Variants in CXCR2 observed in about 807,000 individuals in gnomAD.
The protein encoded by CXCR2 is C-X-C motif chemokine receptor 2.
In CXCR2, 2 loss-of-function variants were observed where a neutral mutation model predicts 3.7. The observed-to-expected ratio is 0.55, with a 90% CI of 0.22 to 1.72. The LOEUF (loss-of-function observed/expected upper bound fraction) is 1.72. Among genes scored for constraint, CXCR2 ranks in the 40% most tolerant of loss-of-function variants. The pLI is 0.19. For missense variants in CXCR2, 351 were observed against 450.1 expected (o/e 0.78, Z 1.99); for synonymous variants, 203 against 193.3 (o/e 1.05, Z -0.41).
chr2:218,137,029 C>T lies in CXCR2; in HGVS notation c.*1145C>T, dbSNP rs200077824. ...AGATAAACAGTAGTGATAGTTGTAC[C>T]GCAATGTGACTTAATGCCACTAAAT... is the stretch of plus-strand genomic sequence containing the variant. On this transcript the variant is annotated 3_prime_UTR_variant, in exon 3 of 3. Coordinates refer to ENST00000318507, the MANE Select transcript of CXCR2 (RefSeq NM_001557.4). 1.8e-5 allele frequency: 3 copies of T among 166,574 alleles called. No homozygotes were observed. The highest frequency in any genetic ancestry group is 6.6e-5 in the Admixed American group (1 of 15,252). 10.3% of individuals were successfully genotyped at this position (166,574 alleles called of 1,614,324 possible).
At chr2:218,129,961 T>A (rs1329583119) in intron 2 of CXCR2, among the ~76,000 whole-genome samples, 1 of 152,212 alleles carries the variant, frequency 6.6e-6, no homozygotes, top group Non-Finnish European at 1.5e-5. Context: ...CTGGAATATA[T>A]GACTGTGTGG....
chr2:218,125,609 T>C (rs1033214374), upstream of CXCR2: 1 of 151,534 alleles, frequency 6.6e-6, no homozygotes, highest in African/African-American at 2.4e-5. Context: ...ATTTGCTGGG[T>C]TTAGTAACCC....
In CXCR2 at chr2:218,135,345, C is replaced by G; in HGVS notation, c.544C>G (p.Leu182Val). ...CTTGCTCCTGGCCCTGCCTGTCTTA[C>G]TTTTCCGAAGGACCGTCTACTCATC... Reference protein sequence around the residue: ...LSLLLALPVLLFRRTVYSSNV... With the variant: ...LSLLLALPVLVFRRTVYSSNV... Residue 182 changes from leucine to valine, a missense_variant, in exon 3 of 3, where the codon CTT becomes GTT. Leu to Val is a conservative substitution (Grantham distance 32, BLOSUM62 1). Transcript: ENST00000318507. The surrounding 1 kb of genome is among the most constrained non-coding windows in gnomAD (Gnocchi z 4.0). 1.9e-6 allele frequency: 3 copies of G among 1,614,200 alleles called. No homozygotes were observed. The highest frequency in any genetic ancestry group is 2.5e-6 in the Non-Finnish European group (3 of 1,180,036).
At chr2:218,127,790 T>G (rs1690543726) in intron 1 of CXCR2, among the ~76,000 whole-genome samples, 1 of 152,228 alleles carries the variant, frequency 6.6e-6, no homozygotes, top group African/African-American at 2.4e-5. Context: ...TCCTGAGGAT[T>G]AATTGATACA....
intron 1 of CXCR2, among the ~76,000 whole-genome samples, chr2:218,126,824 T>TTTG (rs150538535): frequency 6.7e-6 from 1 of 150,296 alleles, no homozygotes; most frequent in Non-Finnish European, 1.5e-5. Flanking sequence ...ATTTTTTGGG[T>TTTG]TTTGTTTGTT....
Position 218,135,559 on chromosome 2 carries a change from T to C in CXCR2, c.758T>C (p.Ile253Thr). Residue 253 changes from isoleucine to threonine, a missense_variant, in exon 3 of 3, where the codon ATC (isoleucine) becomes ACC (threonine). Transcript: ENST00000318507. The surrounding 1 kb of genome is among the most constrained non-coding windows in gnomAD (Gnocchi z 4.0). ...MGQKHRAMRV[I>T]FAVVLIFLLC... ...CAGAAGCACCGGGCCATGCGGGTCA[T>C]CTTTGCTGTCGTCCTCATCTTCCTG... is the stretch of plus-strand genomic sequence containing the variant. 6.2e-7 allele frequency: 1 copy of C among 1,614,166 alleles called. No individual in the cohort carries two copies. Among genetic ancestry groups the C allele is most frequent in the Admixed American group, 1.7e-5 (1 of 60,020 alleles).
rs998301854 is a variant in CXCR2, at chr2:218,136,775, A to G, written c.*891A>G. On this transcript the variant is annotated 3_prime_UTR_variant, in exon 3 of 3. Transcript: ENST00000318507. ...AGCCTGAAAGAGGAATGAAGTACTC[A>G]TACATGTTACAACACGGACGAACCT... 43 of 167,274 alleles carry G rather than the reference A, an allele frequency of 2.6e-4. No homozygotes were observed. The highest frequency in any genetic ancestry group is 7.8e-4 in the Admixed American group (12 of 15,308). 10.4% of individuals were successfully genotyped at this position (167,274 alleles called of 1,614,324 possible).
In CXCR2 at chr2:218,135,464, C is replaced by T. The variant is rs141723765; in HGVS notation, c.663C>T (p.Ile221=). 419 of 1,614,210 alleles carry T rather than the reference C, an allele frequency of 2.6e-4. 1 individual carries two copies. Among genetic ancestry groups the T allele is most frequent in the Middle Eastern group, 2.1e-3 (13 of 6,062 alleles). The stretch of plus-strand genomic sequence containing the variant: ...TCCTGCCCCAGTCCTTTGGCTTCAT[C>T]GTGCCACTGCTGATCATGCTGTTCT... ...LRILPQSFGF[I]VPLLIMLFCY... The change falls in exon 3 of 3, where the codon ATC becomes ATT. Residue 221 remains isoleucine (I), a synonymous_variant. Transcript: ENST00000318507. This position sits in a 1 kb window ranked among gnomAD's most constrained non-coding sequence, Gnocchi z 4.0.
At chr2:218,128,328 TC>T (rs1295612057) in intron 1 of CXCR2, among the ~76,000 whole-genome samples, 2 of 152,204 alleles carry the variant, frequency 1.3e-5, no homozygotes, top group African/African-American at 4.8e-5. Flanking sequence ...ACAGTTGGAC[TC>T]AAAGATTCTT....
chr2:218,125,693 T>C (rs992086938), upstream of CXCR2: 2 of 152,944 alleles, frequency 1.3e-5, no homozygotes, highest in African/African-American at 4.8e-5. Context: ...AGTGTCTTTG[T>C]TGAGCAGCAG....
At chr2:218,128,074 C>T (rs1690552302) in intron 1 of CXCR2, among the ~76,000 whole-genome samples, 2 of 152,346 alleles carry the variant, frequency 1.3e-5, no homozygotes, top group South Asian at 4.1e-4. Flanking sequence ...AGCAATCCCT[C>T]ATTTCATCCT....
At chr2:218,130,680 T>C (rs1476841217) in intron 2 of CXCR2, among the ~76,000 whole-genome samples, 1 of 152,204 alleles carries the variant, frequency 6.6e-6, no homozygotes, top group South Asian at 2.1e-4. Context: ...TAATGAGCCA[T>C]GGAGATCATG....
chr2:218,135,758 G>C lies in CXCR2; in HGVS notation c.957G>C (p.Gln319His). 8 of 1,614,026 alleles carry C rather than the reference G, an allele frequency of 5.0e-6. No homozygotes were observed. The highest frequency in any genetic ancestry group is 6.8e-6 in the Non-Finnish European group (8 of 1,180,020). ...LNPLIYAFIG[Q>H]KFRHGLLKIL... ...CCCTCATCTACGCCTTCATTGGCCA[G>C]AAGTTTCGCCATGGACTCCTCAAGA... The change falls in exon 3 of 3, where the codon CAG becomes CAC. Residue 319 changes from glutamine to histidine, a missense_variant. By Grantham distance (24) the Gln-to-His change is conservative. Transcript: ENST00000318507. The surrounding 1 kb of genome is among the most constrained non-coding windows in gnomAD (Gnocchi z 4.0).
At position 218,136,113 on chromosome 2, in the gene CXCR2, G is replaced by A; in HGVS notation, c.*229G>A. On this transcript the variant is annotated 3_prime_UTR_variant, in exon 3 of 3. Coordinates refer to ENST00000318507, the MANE Select transcript of CXCR2 (RefSeq NM_001557.4). ...TTACTATGTCATTTGCTGGAGCTCTGCCCATCCTGCCCCTGAGCCCATGGC... is the reference window on the plus strand; with the variant it reads ...TTACTATGTCATTTGCTGGAGCTCTACCCATCCTGCCCCTGAGCCCATGGC... The A allele has an allele frequency of 1.8e-6, 1 of 544,452 alleles. No individual in the cohort carries two copies. The highest frequency in any genetic ancestry group is 2.9e-5 in the South Asian group (1 of 34,636). 33.7% of individuals were successfully genotyped at this position (544,452 alleles called of 1,614,324 possible). A position where few individuals can be genotyped will look rare whatever the true frequency, so the allele number is the denominator to read the frequency against.
intron 2 of CXCR2, among the ~76,000 whole-genome samples, chr2:218,131,319 T>A (rs1250416086): frequency 1.3e-5 from 2 of 152,218 alleles, no homozygotes; most frequent in Non-Finnish European, 2.9e-5. Context: ...ACTGAGGAGC[T>A]GGTGACTTCT....
chr2:218,128,649 G>C (rs963772341), intron 1 of CXCR2, among the ~76,000 whole-genome samples: 2 of 152,190 alleles, frequency 1.3e-5, no homozygotes, highest in African/African-American at 4.8e-5. Context: ...CCAAATTAGA[G>C]GGTCTTGGCT....
chr2:218,128,604 G>A (rs1185546057), intron 1 of CXCR2, among the ~76,000 whole-genome samples: 1 of 152,174 alleles, frequency 6.6e-6, no homozygotes, highest in Non-Finnish European at 1.5e-5. Context: ...TTTGGACTTT[G>A]GTGGAATCTT....
rs199632317 is a variant in CXCR2, at chr2:218,135,796, A to G, written c.995A>G (p.His332Arg). The G allele has an allele frequency of 2.3e-4, 372 of 1,613,896 alleles. 1 individual carries two copies. The highest frequency in any genetic ancestry group is 1.0e-4 in the Non-Finnish European group (119 of 1,180,016). ...GGACTCCTCAAGATTCTAGCTATAC[A>G]TGGCTTGATCAGCAAGGACTCCCTG... ...RHGLLKILAI[H>R]GLISKDSLPK... is the part of the protein sequence containing the mutation. Residue 332 changes from histidine (H) to arginine (R), a missense_variant, in exon 3 of 3, where the codon CAT becomes CGT. Physicochemically the swap from His to Arg is conservative, Grantham distance 29 (BLOSUM62 0). Coordinates refer to ENST00000318507, the MANE Select transcript of CXCR2 (RefSeq NM_001557.4). This position sits in a 1 kb window ranked among gnomAD's most constrained non-coding sequence, Gnocchi z 4.0.
rs1690745216 is a variant in CXCR2, at chr2:218,134,967, G to A, written c.166G>A (p.Ala56Thr). ...INKYFVVIIYALVFLLSLLGN... is the reference protein window; with the variant it reads ...INKYFVVIIYTLVFLLSLLGN... ...CAAGTATTTTGTGGTCATTATCTAT[G>A]CCCTGGTATTCCTGCTGAGCCTGCT... Residue 56 changes from alanine to threonine, a missense_variant, in exon 3 of 3, where the codon GCC becomes ACC. Coordinates refer to ENST00000318507, the MANE Select transcript of CXCR2 (RefSeq NM_001557.4). 1.2e-6 allele frequency: 2 copies of A among 1,613,994 alleles called. No homozygotes were observed. The highest frequency in any genetic ancestry group is 1.1e-5 in the South Asian group (1 of 91,076).
Sources: gnomAD v4.1 joint callset for allele counts (sites outside exome capture counted in the v4.1 genomes callset) on GRCh38, gnomAD v4.1.1 for gene constraint, Gnocchi (gnomAD v3.1) non-coding constraint, MANE v1.5 for transcripts, NCBI Gene and HGNC (gene_info 2026-07-23, HGNC 2026-07-21) for gene names.